Variants in CEP128 observed in about 807,000 individuals in gnomAD.
CEP128 encodes the protein centrosomal protein 128.
CEP128 carries 132 observed loss-of-function variants against 156.7 expected under a neutral mutation model. The observed-to-expected ratio is 0.84, with a 90% confidence interval of 0.73 to 0.97. The LOEUF (loss-of-function observed/expected upper bound fraction) is 0.97. Ranked by LOEUF, CEP128 falls within the 50% of genes least tolerant of loss-of-function variation. The probability of loss-of-function intolerance (pLI) is 0.00; values close to 1 mark genes in which losing one functional copy is unlikely to be tolerated. For synonymous variants in CEP128, 469 were observed against 448.9 expected, an observed-to-expected ratio of 1.04 and a Z score of -0.57; for missense variants, 1,252 against 1,281.9, an observed-to-expected ratio of 0.98 and a Z score of 0.36.
upstream of CEP128, chr14:80,945,497 G>A (rs980334875): frequency 6.6e-6 from 1 of 152,152 alleles, no homozygotes; most frequent in African/African-American, 2.4e-5. Flanking sequence ...CTTAAACTGG[G>A]AATGATTCTA....
chr14:80,674,856 C>G (rs1895996880), intron 19 of CEP128, among the ~76,000 whole-genome samples: 1 of 152,036 alleles, frequency 6.6e-6, no homozygotes, highest in African/African-American at 2.4e-5. Context: ...TATAAAATAA[C>G]CCATACATCT....
chr14:80,919,330 G>C (rs766363526), intron 2 of CEP128, among the ~76,000 whole-genome samples: 1 of 152,090 alleles, frequency 6.6e-6, no homozygotes, highest in Non-Finnish European at 1.5e-5. Flanking sequence ...TGATATTTAA[G>C]ATACAAAATA....
At chr14:80,615,746 G>A (rs1893182601) in intron 19 of CEP128, among the ~76,000 whole-genome samples, 2 of 152,162 alleles carry the variant, frequency 1.3e-5, no homozygotes. Flanking sequence ...ATACTCGGGA[G>A]GCTGAGACAG....
chr14:80,481,745 T>A (rs922790282), intron 14 of CEP128, among the ~76,000 whole-genome samples: 3 of 152,192 alleles, frequency 2.0e-5, no homozygotes, highest in East Asian at 1.9e-4. Context: ...CTAACACTAA[T>A]CCCCTTACAG....
rs188153576 is a variant in CEP128 at position 80,549,787 on chromosome 14, G to A, written c.2880+9492C>T. Among the ~76,000 whole-genome samples the A allele has an allele frequency of 8.1e-4, 124 of 152,180 alleles. 1 individual carries two copies. The highest frequency in any genetic ancestry group is 2.9e-3 in the African/African-American group (121 of 41,508). On this transcript the variant is annotated intron_variant, in intron 21 of 24. Coordinates refer to ENST00000555265, the MANE Select transcript of CEP128 (RefSeq NM_152446.5). ...AGAGTGATGGCTCTTCTTCAACTTC[G>A]GTGCCTGTAGAGTGATTTGCACATG...
intron 8 of CEP128, among the ~76,000 whole-genome samples, chr14:80,875,410 C>T (rs994637021): frequency 3.9e-5 from 6 of 152,106 alleles, no homozygotes; most frequent in East Asian, 3.9e-4. Context: ...AAATAAAATA[C>T]GCTTTCTGTC....
At chr14:80,814,989 C>A (rs1269544812) in intron 13 of CEP128, among the ~76,000 whole-genome samples, 1 of 152,096 alleles carries the variant, frequency 6.6e-6, no homozygotes, top group Non-Finnish European at 1.5e-5. Context: ...ACCTGAGAGG[C>A]AGAGATTGTA....
chr14:80,661,054 T>G (rs950090232), intron 19 of CEP128, among the ~76,000 whole-genome samples: 1 of 152,190 alleles, frequency 6.6e-6, no homozygotes, highest in Non-Finnish European at 1.5e-5. Flanking sequence ...TGCTACATAG[T>G]AACCCAGCGT....
At chr14:80,764,216 C>T (rs1198102406) in intron 16 of CEP128, among the ~76,000 whole-genome samples, 2 of 152,072 alleles carry the variant, frequency 1.3e-5, no homozygotes, top group African/African-American at 2.4e-5. Flanking sequence ...TTTCATTATC[C>T]GGCCGGGCGC....
chr14:80,732,293 T>C (rs1898310041), intron 19 of CEP128, among the ~76,000 whole-genome samples: 1 of 151,996 alleles, frequency 6.6e-6, no homozygotes, highest in South Asian at 2.1e-4. Context: ...CTAGCAAACA[T>C]GATAAAAAGG....
chr14:80,485,873 T>C (rs1479240524), downstream of CEP128, among the ~76,000 whole-genome samples: 1 of 152,230 alleles, frequency 6.6e-6, no homozygotes, highest in African/African-American at 2.4e-5. Flanking sequence ...TGGAATAAAA[T>C]GCATGTGTAT....
At chr14:80,547,260 T>C (rs1354868315) in intron 21 of CEP128, among the ~76,000 whole-genome samples, 2 of 152,186 alleles carry the variant, frequency 1.3e-5, no homozygotes, top group African/African-American at 4.8e-5. Flanking sequence ...TTAAATATGG[T>C]CCCAAAATGT....
chr14:80,854,543 T>G (rs1887052285), intron 9 of CEP128, among the ~76,000 whole-genome samples: 2 of 152,086 alleles, frequency 1.3e-5, no homozygotes, highest in Admixed American at 1.3e-4. Context: ...CAACATGAGT[T>G]CCTTTTTTTA....
chr14:80,759,106 T>C (rs1267953442), intron 17 of CEP128, among the ~76,000 whole-genome samples: 2 of 152,206 alleles, frequency 1.3e-5, no homozygotes, highest in Admixed American at 6.5e-5. Context: ...GTGAGAATGA[T>C]ACATCTTAAT....
chr14:80,840,472 A>T (rs2140082298), intron 10 of CEP128, among the ~76,000 whole-genome samples: 1 of 152,292 alleles, frequency 6.6e-6, no homozygotes. Flanking sequence ...GAGAATGGTC[A>T]TAGATGACAA....
At chr14:80,684,206 C>T (rs1298379090) in intron 19 of CEP128, among the ~76,000 whole-genome samples, 1 of 151,570 alleles carries the variant, frequency 6.6e-6, no homozygotes, top group African/African-American at 2.4e-5. Flanking sequence ...ACTAGATTAA[C>T]AAAGGGGAAA....
chr14:80,815,599 A>G (rs772059328), intron 13 of CEP128, among the ~76,000 whole-genome samples: 28 of 152,250 alleles, frequency 1.8e-4, no homozygotes, highest in Non-Finnish European at 3.2e-4. Flanking sequence ...TGATTATATT[A>G]AAAAGACACC....
chr14:80,570,139 A>C (rs1891077004), intron 20 of CEP128, among the ~76,000 whole-genome samples: 1 of 152,094 alleles, frequency 6.6e-6, no homozygotes, highest in African/African-American at 2.4e-5. Flanking sequence ...TTTATTTGAG[A>C]TGAAGTCTTG....
At chr14:80,889,786 TA>T (rs1888998929) in intron 8 of CEP128, among the ~76,000 whole-genome samples, 1 of 152,090 alleles carries the variant, frequency 6.6e-6, no homozygotes, top group Admixed American at 6.5e-5. Flanking sequence ...AGGATCTAAT[TA>T]AACTAAAGAG....
Sources: allele counts gnomAD v4.1 joint callset (sites outside exome capture counted in the v4.1 genomes callset), GRCh38; gene constraint gnomAD v4.1.1; transcripts MANE v1.5; gene names NCBI Gene and HGNC (gene_info 2026-07-23, HGNC 2026-07-21).